Variants in EVC observed in about 807,000 individuals in gnomAD.
EVC encodes EvC ciliary complex subunit 1.
Under a neutral mutation model 118.9 loss-of-function variants are expected in EVC, and 116 were observed. The ratio of observed to expected loss-of-function variants is 0.98; its 90% CI spans 0.84 to 1.14. The LOEUF (loss-of-function observed/expected upper bound fraction) is 1.14, where lower values mean the gene tolerates loss of function less well. Ranked by LOEUF, EVC falls within the 50% of genes most tolerant of loss-of-function variation. EVC has a pLI of 0.00. For missense variants in EVC, 1,401 were observed against 1,246.4 expected, an observed-to-expected ratio of 1.12 and a Z score of -1.87; for synonymous variants, 619 against 534.7, an observed-to-expected ratio of 1.16 and a Z score of -2.18.
chr4:5,719,158 T>G lies in EVC; in HGVS notation c.175-90T>G. On this transcript the variant is annotated intron_variant, in intron 1 of 20. Transcript: ENST00000264956. This position sits in a 1 kb window ranked among gnomAD's most constrained non-coding sequence, Gnocchi z 4.7. ...AGAAGTGGCTGCTGGACTGGGGGAG[T>G]TGACTGGCAAAAGTCACGGTGGGGA... is the stretch of plus-strand genomic sequence containing the variant. 1.6e-5 allele frequency: 25 copies of G among 1,559,002 alleles called. No homozygotes were observed. The highest frequency in any genetic ancestry group is 2.2e-5 in the Non-Finnish European group (25 of 1,134,688).
intron 1 of EVC, among the ~76,000 whole-genome samples, chr4:5,713,869 C>T (rs1360446228): frequency 6.6e-6 from 1 of 152,092 alleles, no homozygotes; most frequent in Non-Finnish European, 1.5e-5. Context: ...TGCCATTGCA[C>T]TCCAGCCTGG....
Position 5,783,645 on chromosome 4 carries a change from G to A in EVC, c.1657G>A (p.Glu553Lys), listed in dbSNP as rs770649751. The change falls in exon 12 of 21, where the codon GAG (glutamate) becomes AAG (lysine). Residue 553 changes from glutamate to lysine, a missense_variant. Coordinates refer to ENST00000264956, the MANE Select transcript of EVC (RefSeq NM_153717.3). ...TGGCATGACTGGCCTCCCCCCGGAAGAGTGTGACTACTTGAGGCAGGAAGT... is the reference window on the plus strand; with the variant it reads ...TGGCATGACTGGCCTCCCCCCGGAAAAGTGTGACTACTTGAGGCAGGAAGT... Reference protein sequence around the residue: ...LPGMTGLPPEECDYLRQEVQE... With the variant: ...LPGMTGLPPEKCDYLRQEVQE... The A allele has an allele frequency of 6.2e-7, 1 of 1,614,228 alleles. No individual in the cohort carries two copies. Among genetic ancestry groups the A allele is most frequent in the East Asian group, 2.2e-5 (1 of 44,878 alleles).
intron 12 of EVC, 112 bp downstream of exon 12, chr4:5,783,876 C>A (rs1051669437): frequency 9.9e-7 from 1 of 1,008,068 alleles, no homozygotes; most frequent in South Asian, 1.4e-5. Context: ...AGGTGCTCTA[C>A]GGAGATGACT....
At chr4:5,752,253 G>A (rs1158505397) in intron 8 of EVC, among the ~76,000 whole-genome samples, 1 of 152,158 alleles carries the variant, frequency 6.6e-6, no homozygotes, top group Non-Finnish European at 1.5e-5. Flanking sequence ...GCCCTTGGCT[G>A]CCTCCGGTTG....
chr4:5,756,205 GAA>G lies in EVC; in HGVS notation c.1465-45_1465-44del, dbSNP rs5855888. 2.5e-3 allele frequency: 2,942 copies of G among 1,192,340 alleles called. No individual in the cohort carries two copies. Among genetic ancestry groups the G allele is most frequent in the Non-Finnish European group, 2.8e-3 (2,346 of 841,668 alleles). The allele number at this position is 1,192,340 out of a possible 1,614,324, so 73.9% of individuals were successfully genotyped here. ...CAGGGGATGGTTGGAGAACCTTCTG[GAA>G]AAAAAAAAAAAAACCCTGCATGTTT... On this transcript the variant is annotated intron_variant, in intron 10 of 20. Coordinates refer to ENST00000264956, the MANE Select transcript of EVC (RefSeq NM_153717.3). This position sits in a 1 kb window ranked among gnomAD's most constrained non-coding sequence, Gnocchi z 4.2.
At position 5,797,027 on chromosome 4, in the gene EVC, C is replaced by T. The variant is rs139481521; in HGVS notation, c.1892C>T (p.Thr631Met). 148 of 1,612,088 alleles carry T rather than the reference C, an allele frequency of 9.2e-5. No individual in the cohort carries two copies. The African/African-American group carries it at 1.4e-3, about 15-fold the overall frequency. ...CTCACCTGCTTTCCTCAAAGGTCCA[C>T]GCGGTGTGTCCTGCAGGGGCATGAC... is the stretch of plus-strand genomic sequence containing the variant. Reference protein sequence around the residue: ...GRLGGLTEESTRCVLQGHDLL... With the variant: ...GRLGGLTEESMRCVLQGHDLL... Residue 631 changes from threonine to methionine, a missense_variant, in exon 14 of 21, where the codon ACG becomes ATG. Thr to Met is a moderately conservative substitution (Grantham distance 81, BLOSUM62 -1). Coordinates refer to ENST00000264956, the MANE Select transcript of EVC (RefSeq NM_153717.3).
In EVC at chr4:5,737,260, T is replaced by A. The variant is rs183803444; in HGVS notation, c.702+3825T>A. Among the ~76,000 whole-genome samples the A allele has an allele frequency of 6.6e-6, 1 of 152,270 alleles. No homozygotes were observed. The highest frequency in any genetic ancestry group is 1.5e-5 in the Non-Finnish European group (1 of 68,018). On this transcript the variant is annotated intron_variant, in intron 5 of 20. Transcript: ENST00000264956. The surrounding 1 kb of genome is among the most constrained non-coding windows in gnomAD (Gnocchi z 5.0). ...AAGCTGCAGAAGAAAAATTTGAAGCTAGCAGAGCATGAGGTTTAAAGAAAG... is the reference window on the plus strand; with the variant it reads ...AAGCTGCAGAAGAAAAATTTGAAGCAAGCAGAGCATGAGGTTTAAAGAAAG...
chr4:5,722,596 AATTCCAGAAGGCTCTGAGGC>A (rs768087436), intron 2 of EVC, among the ~76,000 whole-genome samples: 145 of 152,272 alleles, frequency 9.5e-4, no homozygotes, highest in Admixed American at 5.7e-3. Context: ...AAACAAACAA[AATTCCAGAAGGCTCTGAGGC>A]ATGCTATTCC....
intron 11 of EVC, among the ~76,000 whole-genome samples, chr4:5,766,399 G>C (rs6821265): frequency 1.6e-5 from 2 of 125,738 alleles, no homozygotes; most frequent in African/African-American, 6.2e-5. Flanking sequence ...TGCTCTTCTC[G>C]AGGAGTATCT....
chr4:5,713,271 A>G (rs1723345866), intron 1 of EVC, among the ~76,000 whole-genome samples: 1 of 152,160 alleles, frequency 6.6e-6, no homozygotes, highest in Non-Finnish European at 1.5e-5. Context: ...CCTTCTTTCT[A>G]ATGAGATTCT....
downstream of EVC, among the ~76,000 whole-genome samples, chr4:5,818,920 G>A (rs1186629715): frequency 6.6e-6 from 1 of 152,116 alleles, no homozygotes; most frequent in African/African-American, 2.4e-5. Context: ...CTACAAACAA[G>A]GGCTTTCTAC....
At chr4:5,803,787 G>C (rs1715402462) in intron 16 of EVC, among the ~76,000 whole-genome samples, 1 of 152,188 alleles carries the variant, frequency 6.6e-6, no homozygotes, top group African/African-American at 2.4e-5. Flanking sequence ...AGTGTGATGG[G>C]CCTCCTGCCG....
intron 11 of EVC, among the ~76,000 whole-genome samples, chr4:5,770,152 A>G (rs539750551): frequency 3.9e-5 from 6 of 152,204 alleles, no homozygotes; most frequent in South Asian, 4.2e-4. Context: ...ATATGTGACA[A>G]GGCACACAGA....
downstream of EVC, among the ~76,000 whole-genome samples, chr4:5,815,708 T>C (rs1717562242): frequency 6.6e-6 from 1 of 152,160 alleles, no homozygotes; most frequent in Admixed American, 6.5e-5. Flanking sequence ...ATGGGATTAT[T>C]CTCCCCTAAA....
Position 5,812,875 on chromosome 4 carries a change from G to A in EVC, c.*1838G>A, listed in dbSNP as rs1298297580. The A allele has an allele frequency of 8.0e-6, 1 of 125,078 alleles. No homozygotes were observed. The highest frequency in any genetic ancestry group is 2.7e-5 in the African/African-American group (1 of 36,498). The allele number at this position is 125,078 out of a possible 1,614,324, so 7.7% of individuals were successfully genotyped here. On this transcript the variant is annotated 3_prime_UTR_variant, in exon 21 of 21. Coordinates refer to ENST00000264956, the MANE Select transcript of EVC (RefSeq NM_153717.3). ...TATCACCCACTGTGCTGAGTCAAAGGGTGCCTTGCCCTGGTCTAATCCAGG... is the reference window on the plus strand; with the variant it reads ...TATCACCCACTGTGCTGAGTCAAAGAGTGCCTTGCCCTGGTCTAATCCAGG...
At position 5,739,169 on chromosome 4, in the gene EVC, A is replaced by G. The variant is rs573093601; in HGVS notation, c.703-2547A>G. 3.9e-5 allele frequency among the ~76,000 whole-genome samples: 6 copies of G among 152,298 alleles called. No individual in the cohort carries two copies. In the East Asian group the frequency reaches 1.2e-3, roughly 29 times the overall value. ...CTATAACTATCTCAAAGTTGGCACT[A>G]TGGAAAGGGAGAGGATGAGGGCTGT... On this transcript the variant is annotated intron_variant, in intron 5 of 20. Transcript: ENST00000264956.
chr4:5,752,134 G>A (rs931716837), intron 8 of EVC, among the ~76,000 whole-genome samples: 4 of 152,078 alleles, frequency 2.6e-5, no homozygotes, highest in African/African-American at 9.7e-5. Flanking sequence ...GGGCGTGGCT[G>A]GGAGTGGGGG....
rs774536837 is a variant in EVC, at chr4:5,731,669, G to A, written c.617+12G>A. ...CTGGCCTGCGAGAGGTAAGGAGAGC[G>A]GGCAATGGAGGATGAGGCTTCCAGT... is the stretch of plus-strand genomic sequence containing the variant. On this transcript the variant is annotated intron_variant, in intron 4 of 20. Transcript: ENST00000264956. The surrounding 1 kb of genome is among the most constrained non-coding windows in gnomAD (Gnocchi z 5.6). 35 of 1,609,312 alleles carry A rather than the reference G, an allele frequency of 2.2e-5. No homozygotes were observed. Among genetic ancestry groups the A allele is most frequent in the Admixed American group, 8.4e-5 (5 of 59,650 alleles).
chr4:5,784,539 T>G (rs1275396238), intron 12 of EVC, among the ~76,000 whole-genome samples: 1 of 152,170 alleles, frequency 6.6e-6, no homozygotes, highest in Non-Finnish European at 1.5e-5. Flanking sequence ...CAGATTTGTG[T>G]TGTTTTCAGC....
Sources: gnomAD v4.1 joint callset for allele counts (sites outside exome capture counted in the v4.1 genomes callset) on GRCh38, gnomAD v4.1.1 for gene constraint, Gnocchi (gnomAD v3.1) non-coding constraint, MANE v1.5 for transcripts, NCBI Gene and HGNC (gene_info 2026-07-23, HGNC 2026-07-21) for gene names.